The following ABCB11 variants were observed in gnomAD, a reference collection of about 807,000 sequenced individuals.
ABCB11 encodes bile salt export pump.
ABCB11 carries 95 observed loss-of-function variants against 148.0 expected under a neutral mutation model. The ratio of observed to expected loss-of-function variants is 0.64; its 90% confidence interval spans 0.54 to 0.76. ABCB11 has a LOEUF of 0.76. ABCB11 is among the 30% of genes least tolerant of loss of function. The pLI is 0.00. For synonymous variants in ABCB11, 591 were observed against 555.4 expected (o/e 1.06, Z -0.90); for missense variants, 1,523 against 1,617.8 (o/e 0.94, Z 1.01).
At chr2:169,016,436 G>A (rs1573982668) in intron 3 of ABCB11, among the ~76,000 whole-genome samples, 1 of 151,954 alleles carries the variant, frequency 6.6e-6, no homozygotes, top group South Asian at 2.1e-4. Context: ...GACACTTTAG[G>A]TCTCTACTCT....
rs545153298 is a variant in ABCB11 at position 168,972,903 on chromosome 2, A to T, written c.1434+812T>A. Among the ~76,000 whole-genome samples the T allele has an allele frequency of 2.0e-5, 3 of 151,770 alleles. No homozygotes were observed. The South Asian group carries it at 6.2e-4, about 32-fold the overall frequency. ...CCCTAGACAAGTTTCCATCTCTCTG[A>T]CTCTCTGCTTCCTTGTTTGTCAAAT... On this transcript the variant is annotated intron_variant, in intron 13 of 27. Transcript: ENST00000650372.
chr2:168,916,629 G>A (rs971281150), downstream of ABCB11, among the ~76,000 whole-genome samples: 10 of 152,204 alleles, frequency 6.6e-5, no homozygotes, highest in African/African-American at 2.4e-4. Context: ...AATTGGAAAT[G>A]GGTTTAGAGG....
At chr2:169,006,022 T>C (rs187560046) in intron 5 of ABCB11, among the ~76,000 whole-genome samples, 1 of 152,080 alleles carries the variant, frequency 6.6e-6, no homozygotes, top group East Asian at 1.9e-4. Context: ...AAAAACAGAA[T>C]GGAAGGGAAC....
At position 168,993,810 on chromosome 2, in the gene ABCB11, G is replaced by A; in HGVS notation, c.684C>T (p.Ile228=). 2 of 1,611,682 alleles carry A rather than the reference G, an allele frequency of 1.2e-6. No individual in the cohort carries two copies. The highest frequency in any genetic ancestry group is 1.7e-6 in the Non-Finnish European group (2 of 1,178,662). The change falls in exon 8 of 28, where the codon ATC becomes ATT. Residue 228 remains isoleucine (I), a synonymous_variant. Transcript: ENST00000650372. ...TGAAAAATCCCAACAGGAAACCACA[G>A]ATGGTCGAGGTCATGCGCTGAATGA... ...ALFIQRMTST[I]CGFLLGFFRG...
chr2:168,996,650 G>A lies in ABCB11; in HGVS notation c.462C>T (p.Ile154=). Residue 154 remains isoleucine (I), a synonymous_variant, in exon 6 of 28, where the codon ATC becomes ATT. Transcript: ENST00000650372. The part of the protein sequence containing the change: ...YYAGIAVAVL[I]TGYIQICFWV... ...AGCTACTAACTTGAATATATCCTGTGATAAGTACTGCGACAGCAATTCCAG... is the reference window on the plus strand; with the variant it reads ...AGCTACTAACTTGAATATATCCTGTAATAAGTACTGCGACAGCAATTCCAG... 1 of 1,552,850 alleles carries A rather than the reference G, an allele frequency of 6.4e-7. No individual in the cohort carries two copies. Among genetic ancestry groups the A allele is most frequent in the Non-Finnish European group, 8.7e-7 (1 of 1,144,852 alleles).
chr2:168,915,989 C>G (rs911901996), downstream of ABCB11, among the ~76,000 whole-genome samples: 1 of 152,192 alleles, frequency 6.6e-6, no homozygotes, highest in African/African-American at 2.4e-5. Context: ...TCCCTGCAGC[C>G]TGCCAAACTA....
intron 18 of ABCB11, among the ~76,000 whole-genome samples, chr2:168,963,525 A>G (rs533241086): frequency 6.6e-6 from 1 of 151,784 alleles, no homozygotes; most frequent in African/African-American, 2.4e-5. Context: ...AAATTAGACA[A>G]TGTCTACAAC....
chr2:168,961,598 C>T (rs1693079433), intron 18 of ABCB11, among the ~76,000 whole-genome samples: 1 of 151,718 alleles, frequency 6.6e-6, no homozygotes, highest in Non-Finnish European at 1.5e-5. Context: ...ATATTAGAGA[C>T]TAAAACCTTT....
chr2:168,993,200 G>A (rs1052051815), intron 8 of ABCB11, among the ~76,000 whole-genome samples: 4 of 152,004 alleles, frequency 2.6e-5, no homozygotes, highest in African/African-American at 9.7e-5. Flanking sequence ...TTGTGTGCTT[G>A]TTAATGCTCT....
intron 10 of ABCB11, among the ~76,000 whole-genome samples, chr2:168,982,485 T>A (rs1393462999): frequency 6.6e-6 from 1 of 152,064 alleles, no homozygotes; most frequent in African/African-American, 2.4e-5. Context: ...CTCAGGAAGG[T>A]CATGAAAGAA....
rs1339027098 is a variant in ABCB11, at chr2:168,936,117, C to T, written c.2814+113G>A. 7 of 1,047,254 alleles carry T rather than the reference C, an allele frequency of 6.7e-6. No homozygotes were observed. In the East Asian group the frequency reaches 1.0e-4, roughly 16 times the overall value. The allele number at this position is 1,047,254 out of a possible 1,614,324, so 64.9% of individuals were successfully genotyped here. ...GGGTGGTGGAAGGTTCTTAAGTGTGCCTGTCTTGTGGGCTGACAGCTTCCT... is the reference window on the plus strand; with the variant it reads ...GGGTGGTGGAAGGTTCTTAAGTGTGTCTGTCTTGTGGGCTGACAGCTTCCT... On this transcript the variant is annotated intron_variant, in intron 22 of 27. Transcript: ENST00000650372.
In ABCB11 at chr2:168,971,913, T is replaced by C; in HGVS notation, c.1572A>G (p.Thr524=). 1 of 1,613,178 alleles carries C rather than the reference T, an allele frequency of 6.2e-7. No individual in the cohort carries two copies. ...TGGCAGCTTGGACTATGTCTTCCAT[T>C]GTTGCATCTTCTCTGCCATAGCGAA... ...ENIRYGREDA[T]MEDIVQAAKE... is the part of the protein sequence containing the mutation. Residue 524 remains threonine (T), a synonymous_variant, in exon 14 of 28, where the codon ACA becomes ACG. Transcript: ENST00000650372.
At chr2:169,015,912 G>A (rs570772885) in intron 3 of ABCB11, among the ~76,000 whole-genome samples, 9 of 152,178 alleles carry the variant, frequency 5.9e-5, no homozygotes, top group African/African-American at 2.2e-4. Context: ...TTTGCAAAAC[G>A]AATGAATTAA....
Position 168,922,752 on chromosome 2 carries a change from A to ATTTAC in ABCB11, c.*865_*869dup, listed in dbSNP as rs1467806859. On this transcript the variant is annotated 3_prime_UTR_variant, in exon 28 of 28. Transcript: ENST00000650372. The stretch of plus-strand genomic sequence containing the variant: ...GGGCAAATGAGTGCTTTTCTGCCAT[A>ATTTAC]TTTACTTGCTTTTTTGTATAAAACC... Among the ~76,000 whole-genome samples, 3 of 152,160 alleles carry ATTTAC rather than the reference A, an allele frequency of 2.0e-5. No individual in the cohort carries two copies. Among genetic ancestry groups the ATTTAC allele is most frequent in the Non-Finnish European group, 4.4e-5 (3 of 68,028 alleles).
Position 168,976,557 on chromosome 2 carries a change from G to C in ABCB11, c.1308+20C>G, listed in dbSNP as rs1693915195. On this transcript the variant is annotated intron_variant, in intron 12 of 27. Coordinates refer to ENST00000650372, the MANE Select transcript of ABCB11 (RefSeq NM_003742.4). ...GAAGAAGAAAACATTTACTATTCTGGGGAACAGACCAGCACTCACCTTCAC... is the reference window on the plus strand; with the variant it reads ...GAAGAAGAAAACATTTACTATTCTGCGGAACAGACCAGCACTCACCTTCAC... The C allele has an allele frequency of 7.4e-7, 1 of 1,358,158 alleles. No individual in the cohort carries two copies. Among genetic ancestry groups the C allele is most frequent in the African/African-American group, 1.5e-5 (1 of 68,778 alleles). 84.1% of individuals were successfully genotyped at this position (1,358,158 alleles called of 1,614,324 possible).
intron 8 of ABCB11, among the ~76,000 whole-genome samples, 179 bp downstream of exon 8, chr2:168,993,531 TC>T (rs1229879895): frequency 6.6e-6 from 1 of 152,092 alleles, no homozygotes; most frequent in African/African-American, 2.4e-5. Context: ...TATTAAAACA[TC>T]ATTAATCCCT....
At chr2:168,952,418 C>A (rs1297157681) in intron 19 of ABCB11, among the ~76,000 whole-genome samples, 2 of 151,350 alleles carry the variant, frequency 1.3e-5, no homozygotes, top group Admixed American at 6.6e-5. Flanking sequence ...CATTATTAGT[C>A]TGTTCAGGTT....
intron 5 of ABCB11, among the ~76,000 whole-genome samples, chr2:169,006,093 G>C (rs1695009623): frequency 6.6e-6 from 1 of 152,122 alleles, no homozygotes; most frequent in African/African-American, 2.4e-5. Flanking sequence ...CATTATAAGA[G>C]AAGAAAACTC....
intron 1 of ABCB11, among the ~76,000 whole-genome samples, chr2:169,029,185 C>G (rs1487559004): frequency 6.6e-6 from 1 of 152,122 alleles, no homozygotes; most frequent in Non-Finnish European, 1.5e-5. Flanking sequence ...ACAAACTCCC[C>G]CTTCACAGAG....
Sources: gnomAD v4.1 joint callset for allele counts (sites outside exome capture counted in the v4.1 genomes callset) on GRCh38, gnomAD v4.1.1 for gene constraint, MANE v1.5 for transcripts, NCBI Gene and HGNC (gene_info 2026-07-23, HGNC 2026-07-21) for gene names.